The following DYNC2H1 variants were observed in gnomAD, a reference collection of about 807,000 sequenced individuals.
DYNC2H1 encodes the protein cytoplasmic dynein 2 heavy chain 1.
In DYNC2H1, 410 loss-of-function variants were observed where a neutral mutation model predicts 570.0. That is an observed-to-expected ratio of 0.72 (90% CI 0.66 to 0.78). DYNC2H1 has a LOEUF of 0.78. Ranked by LOEUF, DYNC2H1 falls within the 30% of genes least tolerant of loss-of-function variation. The pLI is 0.00. For synonymous variants in DYNC2H1, 1,688 were observed against 1,677.6 expected (o/e 1.01, Z -0.15); for missense variants, 4,865 against 5,046.4 (o/e 0.96, Z 1.09).
intron 5 of DYNC2H1, 76 bp downstream of exon 5, chr11:103,116,790 T>TAAGG: frequency 2.3e-6 from 3 of 1,321,768 alleles, no homozygotes; most frequent in Non-Finnish European, 3.0e-6. Flanking sequence ...TTTAAGTCCT[T>TAAGG]ACTTAAAATG....
chr11:103,125,986 A>T (rs1473613414), intron 12 of DYNC2H1, among the ~76,000 whole-genome samples: 1 of 151,938 alleles, frequency 6.6e-6, no homozygotes, highest in Non-Finnish European at 1.5e-5. Flanking sequence ...TCTTTAGTTG[A>T]TTTTTATTCT....
intron 70 of DYNC2H1, among the ~76,000 whole-genome samples, chr11:103,269,697 A>G (rs1865629263): frequency 1.3e-5 from 2 of 152,200 alleles, no homozygotes; most frequent in African/African-American, 4.8e-5. Context: ...AGAGATCAAA[A>G]GTTTTTATTT....
At chr11:103,429,460 TA>T (rs35004115) in intron 84 of DYNC2H1, among the ~76,000 whole-genome samples, 84,200 of 150,556 alleles carry the variant, frequency 0.56, 24,004 homozygotes, top group East Asian at 0.72. Flanking sequence ...TCTGTACTGA[TA>T]AAAAAAAAAA....
intron 13 of DYNC2H1, among the ~76,000 whole-genome samples, chr11:103,132,131 A>AAT (rs758079586): frequency 3.1e-4 from 47 of 151,862 alleles, no homozygotes; most frequent in East Asian, 1.5e-3. Context: ...CTTGGAAGCT[A>AAT]ATATATATAT....
intron 17 of DYNC2H1, among the ~76,000 whole-genome samples, chr11:103,137,177 G>C (rs1257010264): frequency 6.7e-6 from 1 of 148,304 alleles, no homozygotes; most frequent in Non-Finnish European, 1.5e-5. Flanking sequence ...TTTGTAGGTT[G>C]CCTGTTCACT....
rs562431120 is a variant in DYNC2H1 at position 103,394,815 on chromosome 11, C to G, written c.12157-4848C>G. Among the ~76,000 whole-genome samples the G allele has an allele frequency of 6.1e-4, 93 of 152,098 alleles. 1 individual carries two copies. The highest frequency in any genetic ancestry group is 6.8e-3 in the Middle Eastern group (2 of 294). ...CCCTGAGGTATGACTATAGTTGTTA[C>G]TAGGTATAAAAGGTTTAGAAATCCA... On this transcript the variant is annotated intron_variant, in intron 83 of 88. Transcript: ENST00000375735.
At position 103,125,170 on chromosome 11, in the gene DYNC2H1, C is replaced by T. The variant is rs776317704; in HGVS notation, c.1732C>T (p.Arg578Cys). 1.9e-6 allele frequency: 3 copies of T among 1,613,562 alleles called. No individual in the cohort carries two copies. Among genetic ancestry groups the T allele is most frequent in the Admixed American group, 3.3e-5 (2 of 59,976 alleles). ...ATTACTAAAAGTGCATTATTCAGAT[C>T]GTTTGGTGATTCTTCTGAGAGAAGT... Reference protein sequence around the residue: ...DGLLKVHYSDRLVILLREVRQ... With the variant: ...DGLLKVHYSDCLVILLREVRQ... The change falls in exon 12 of 89, where the codon CGT (arginine) becomes TGT (cysteine). Residue 578 changes from arginine (R) to cysteine (C), a missense_variant. Coordinates refer to ENST00000375735, the MANE Select transcript of DYNC2H1 (RefSeq NM_001377.3).
intron 87 of DYNC2H1, among the ~76,000 whole-genome samples, chr11:103,468,092 G>A (rs952132793): frequency 5.3e-5 from 8 of 152,086 alleles, no homozygotes; most frequent in Non-Finnish European, 1.2e-4. Flanking sequence ...CTACACCAAG[G>A]TTACCTTAAA....
At chr11:103,318,203 C>T (rs61899877) in intron 80 of DYNC2H1, among the ~76,000 whole-genome samples, 20,045 of 152,078 alleles carry the variant, frequency 0.13, 1,575 homozygotes, top group Admixed American at 0.24. Context: ...GAAATTTCCA[C>T]AAACTGAATT....
rs553232170 is a variant in DYNC2H1, at chr11:103,207,211, G to A, written c.8454+2247G>A. Among the ~76,000 whole-genome samples, 10 of 145,038 alleles carry A rather than the reference G, an allele frequency of 6.9e-5. No individual in the cohort carries two copies. The East Asian group carries it at 1.0e-3, about 15-fold the overall frequency. ...GCTAGGATTATAGGCGTGAGCTACC[G>A]TGCCTGGGCCTGTTTTTTTTTTTTT... On this transcript the variant is annotated intron_variant, in intron 52 of 88. Coordinates refer to ENST00000375735, the MANE Select transcript of DYNC2H1 (RefSeq NM_001377.3).
At position 103,324,042 on chromosome 11, in the gene DYNC2H1, G is replaced by T. The variant is rs1938347401; in HGVS notation, c.12039+52G>T. The T allele has an allele frequency of 2.2e-6, 3 of 1,392,298 alleles. No individual in the cohort carries two copies. Among genetic ancestry groups the T allele is most frequent in the Non-Finnish European group, 2.9e-6 (3 of 1,040,228 alleles). 86.2% of individuals were successfully genotyped at this position (1,392,298 alleles called of 1,614,324 possible). A position where few individuals can be genotyped will look rare whatever the true frequency, so the allele number is the denominator to read the frequency against. On this transcript the variant is annotated intron_variant, in intron 82 of 88. Transcript: ENST00000375735. This position sits in a 1 kb window ranked among gnomAD's most constrained non-coding sequence, Gnocchi z 5.2. ...AAAAAAAGTTGCTAGTGAGCCTGAA[G>T]GAGACAAAATTAAACTTGATTTAGT...
intron 17 of DYNC2H1, among the ~76,000 whole-genome samples, chr11:103,142,670 A>G (rs975994158): frequency 2.0e-5 from 3 of 152,148 alleles, no homozygotes; most frequent in African/African-American, 7.2e-5. Context: ...CTCCATGTCA[A>G]GAAAAAAAGA....
At chr11:103,469,411 C>T (rs1312230523) in intron 88 of DYNC2H1, among the ~76,000 whole-genome samples, 2 of 152,122 alleles carry the variant, frequency 1.3e-5, no homozygotes, top group Admixed American at 1.3e-4. Flanking sequence ...TGTGAATAAA[C>T]TTTAAAGTTC....
rs778322189 is a variant in DYNC2H1 at position 103,252,975 on chromosome 11, A to G, written c.10043-310A>G. ...TTGAGGATTTCTATTTTTGTCATCT[A>G]TAATCAGCCATTTCAGAGCAATCTG... On this transcript the variant is annotated intron_variant, in intron 65 of 88. Transcript: ENST00000375735. The surrounding 1 kb of genome is among the most constrained non-coding windows in gnomAD (Gnocchi z 4.6). Among the ~76,000 whole-genome samples the G allele has an allele frequency of 2.0e-5, 3 of 152,202 alleles. No individual in the cohort carries two copies. The highest frequency in any genetic ancestry group is 4.4e-5 in the Non-Finnish European group (3 of 68,022).
chr11:103,189,664 T>G lies in DYNC2H1; in HGVS notation c.7293-8T>G, dbSNP rs1862217410. 2 of 1,611,274 alleles carry G rather than the reference T, an allele frequency of 1.2e-6. No homozygotes were observed. ...TTCAGCTTTCTTCTTATATGCCATT[T>G]TTTTTAGTTACCCAGAAAGAGAGCA... On this transcript the variant is annotated splice_region_variant and splice_polypyrimidine_tract_variant and intron_variant, in intron 44 of 88. Transcript: ENST00000375735. The surrounding 1 kb of genome is among the most constrained non-coding windows in gnomAD (Gnocchi z 4.3).
At chr11:103,167,203 A>C (rs1861358307) in intron 31 of DYNC2H1, among the ~76,000 whole-genome samples, 1 of 151,608 alleles carries the variant, frequency 6.6e-6, no homozygotes, top group South Asian at 2.1e-4. Context: ...CACTTGTTTC[A>C]AAAGTCTTCA....
At position 103,245,440 on chromosome 11, in the gene DYNC2H1, G is replaced by A; in HGVS notation, c.10042+66G>A. ...ATTTCCAAAGTAAGTAATTAAACCA[G>A]GTGCAAGCTTTCAAGAGTCCTCTTC... is the stretch of plus-strand genomic sequence containing the variant. On this transcript the variant is annotated intron_variant, in intron 65 of 88. Transcript: ENST00000375735. This position sits in a 1 kb window ranked among gnomAD's most constrained non-coding sequence, Gnocchi z 4.5. 1.3e-6 allele frequency: 2 copies of A among 1,481,764 alleles called. No homozygotes were observed. Among genetic ancestry groups the A allele is most frequent in the Non-Finnish European group, 1.8e-6 (2 of 1,108,884 alleles). The allele number at this position is 1,481,764 out of a possible 1,614,324, so 91.8% of individuals were successfully genotyped here.
rs561263921 is a variant in DYNC2H1, at chr11:103,150,028, G to T, written c.2946+1411G>T. On this transcript the variant is annotated intron_variant, in intron 20 of 88. Coordinates refer to ENST00000375735, the MANE Select transcript of DYNC2H1 (RefSeq NM_001377.3). ...GATCTTAAGGTAGAGAAGGAGCTTGGTATGCTTAAGGAACAGATAGATGTA... is the reference window on the plus strand; with the variant it reads ...GATCTTAAGGTAGAGAAGGAGCTTGTTATGCTTAAGGAACAGATAGATGTA... 8.1e-4 allele frequency among the ~76,000 whole-genome samples: 124 copies of T among 152,258 alleles called. 3 individuals carry two copies. The South Asian group carries it at 0.024, about 30-fold the overall frequency.
intron 83 of DYNC2H1, among the ~76,000 whole-genome samples, chr11:103,390,899 A>T (rs1942118273): frequency 6.6e-6 from 1 of 152,174 alleles, no homozygotes; most frequent in Non-Finnish European, 1.5e-5. Context: ...TTTGTGGGTA[A>T]CCCGACCTTT....
Sources: gnomAD v4.1 joint callset for allele counts (sites outside exome capture counted in the v4.1 genomes callset) on GRCh38, gnomAD v4.1.1 for gene constraint, Gnocchi (gnomAD v3.1) non-coding constraint, MANE v1.5 for transcripts, NCBI Gene and HGNC (gene_info 2026-07-23, HGNC 2026-07-21) for gene names.